The following CLOCK variants were observed in gnomAD, a reference collection of about 807,000 sequenced individuals.
The protein encoded by CLOCK is clock circadian regulator.
A neutral mutation model predicts 118.4 loss-of-function variants in CLOCK; 43 were observed. That is an observed-to-expected ratio of 0.36 (90% CI 0.28 to 0.47). The LOEUF (loss-of-function observed/expected upper bound fraction) is 0.47. Among genes scored for constraint, CLOCK ranks in the 20% least tolerant of loss-of-function variants. CLOCK has a pLI of 1.00. For synonymous variants in CLOCK, 326 were observed against 339.2 expected (o/e 0.96, Z 0.43); for missense variants, 846 against 999.9 (o/e 0.85, Z 2.08).
intron 8 of CLOCK, among the ~76,000 whole-genome samples, chr4:55,468,269 A>G (rs568508817): frequency 2.7e-4 from 41 of 152,276 alleles, no homozygotes; most frequent in African/African-American, 7.9e-4. Context: ...GAGAGGCATT[A>G]TAAGAGTAGT....
intron 15 of CLOCK, among the ~76,000 whole-genome samples, chr4:55,450,469 T>C (rs1724334759): frequency 6.6e-6 from 1 of 152,162 alleles, no homozygotes. Context: ...TTACACCATA[T>C]ACAAAAATTA....
intron 2 of CLOCK, among the ~76,000 whole-genome samples, chr4:55,494,075 G>A (rs1428755489): frequency 6.6e-6 from 1 of 152,140 alleles, no homozygotes; most frequent in Non-Finnish European, 1.5e-5. Context: ...GAGTATAGGA[G>A]CACCTTATCC....
At chr4:55,479,551 C>T (rs955989844) in intron 5 of CLOCK, 89 bp downstream of exon 5, 8 of 1,107,364 alleles carry the variant, frequency 7.2e-6, no homozygotes, top group South Asian at 1.3e-5. Flanking sequence ...AAGCACATAG[C>T]TTTTGGAAAT....
At chr4:55,440,337 T>C (rs970913772) in intron 21 of CLOCK, among the ~76,000 whole-genome samples, 1 of 152,192 alleles carries the variant, frequency 6.6e-6, no homozygotes, top group African/African-American at 2.4e-5. Flanking sequence ...CTGCTTCCTT[T>C]TGCTTTTTGA....
intron 8 of CLOCK, among the ~76,000 whole-genome samples, chr4:55,467,465 C>G (rs947731913): frequency 3.3e-5 from 5 of 152,068 alleles, no homozygotes; most frequent in Admixed American, 6.6e-5. Flanking sequence ...AACAGTAGAA[C>G]AGAGATGAAG....
intron 16 of CLOCK, 85 bp from the exon 17 acceptor site, chr4:55,449,581 A>G: frequency 8.5e-7 from 1 of 1,182,092 alleles, no homozygotes; most frequent in South Asian, 1.3e-5. Context: ...TTCAGTTAAT[A>G]AAAATGGCTT....
intron 8 of CLOCK, among the ~76,000 whole-genome samples, chr4:55,464,658 A>C (rs1201981084): frequency 6.6e-6 from 1 of 152,142 alleles, no homozygotes; most frequent in African/African-American, 2.4e-5. Context: ...CCTGCATTAA[A>C]CTAAAGCAGT....
intron 3 of CLOCK, among the ~76,000 whole-genome samples, chr4:55,486,123 T>A (rs539135828): frequency 6.6e-6 from 1 of 152,188 alleles, no homozygotes. Flanking sequence ...GGAGTTAACA[T>A]CATTATGACT....
intron 2 of CLOCK, among the ~76,000 whole-genome samples, chr4:55,503,989 A>T (rs868144876): frequency 0.013 from 1,922 of 146,678 alleles, 79 homozygotes; most frequent in African/African-American, 0.046. Flanking sequence ...AAAAAAAAAA[A>T]AAAAAAAAAA....
At chr4:55,539,999 T>C (rs951679072) in intron 1 of CLOCK, among the ~76,000 whole-genome samples, 6 of 128,096 alleles carry the variant, frequency 4.7e-5, no homozygotes, top group African/African-American at 1.9e-4. Flanking sequence ...TGATCTCCAA[T>C]GATATTAATT....
At chr4:55,532,499 T>C (rs548466157) in intron 1 of CLOCK, among the ~76,000 whole-genome samples, 1 of 152,152 alleles carries the variant, frequency 6.6e-6, no homozygotes, top group East Asian at 1.9e-4. Flanking sequence ...AAAAATCAGT[T>C]GCATTTCTAT....
At chr4:55,525,907 T>C (rs562673648) in intron 1 of CLOCK, among the ~76,000 whole-genome samples, 1 of 151,444 alleles carries the variant, frequency 6.6e-6, no homozygotes, top group Admixed American at 6.6e-5. Context: ...TGTGTACTGA[T>C]GGTATGCCAA....
Position 55,430,262 on chromosome 4 carries a change from T to C in CLOCK, c.*5153A>G, listed in dbSNP as rs1403835514. ...CTTAGTTGTCTCTCCATAAACTATA[T>C]CCTATTCCACTAAATAATGTTTCCC... is the stretch of plus-strand genomic sequence containing the variant. On this transcript the variant is annotated 3_prime_UTR_variant, in exon 23 of 23. Coordinates refer to ENST00000513440, the MANE Select transcript of CLOCK (RefSeq NM_004898.4). The C allele has an allele frequency of 6.6e-6, 1 of 152,150 alleles. No individual in the cohort carries two copies. Among genetic ancestry groups the C allele is most frequent in the African/African-American group, 2.4e-5 (1 of 41,422 alleles). 9.4% of individuals were successfully genotyped at this position (152,150 alleles called of 1,614,324 possible).
chr4:55,498,712 G>A (rs1225579713), intron 2 of CLOCK, among the ~76,000 whole-genome samples: 1 of 152,024 alleles, frequency 6.6e-6, no homozygotes, highest in Non-Finnish European at 1.5e-5. Flanking sequence ...TCTGTGGAGT[G>A]GCAGGGGAGA....
At chr4:55,483,272 T>C (rs747930083) in intron 3 of CLOCK, among the ~76,000 whole-genome samples, 3 of 152,178 alleles carry the variant, frequency 2.0e-5, no homozygotes, top group African/African-American at 7.2e-5. Context: ...AGCAGGAAGA[T>C]AGATATCTAA....
chr4:55,485,667 T>A (rs1242646812), intron 3 of CLOCK, among the ~76,000 whole-genome samples: 1 of 152,192 alleles, frequency 6.6e-6, no homozygotes, highest in African/African-American at 2.4e-5. Flanking sequence ...CACAAAGATA[T>A]GCAATGTCTT....
intron 2 of CLOCK, among the ~76,000 whole-genome samples, chr4:55,494,841 C>T (rs574811338): frequency 3.3e-5 from 5 of 152,150 alleles, no homozygotes; most frequent in Admixed American, 6.5e-5. Flanking sequence ...TCTCCTGAAG[C>T]CTCCAGAGAG....
chr4:55,438,463 C>G lies in CLOCK; in HGVS notation c.2180G>C (p.Ser727Thr). ...CACCACCTGGCCCATAAGCATAGTA[C>G]TAGGTACCATGACTGCCCCACAAGC... ...PVACGAVMVPSTMLMGQVVTA... is the reference protein window; with the variant it reads ...PVACGAVMVPTTMLMGQVVTA... Residue 727 changes from serine (S) to threonine (T), a missense_variant, in exon 22 of 23, where the codon AGT (serine) becomes ACT (threonine). Transcript: ENST00000513440. The G allele has an allele frequency of 6.2e-7, 1 of 1,613,850 alleles. No individual in the cohort carries two copies. The highest frequency in any genetic ancestry group is 8.5e-7 in the Non-Finnish European group (1 of 1,180,012).
At chr4:55,511,288 C>A (rs199822754) in intron 1 of CLOCK, among the ~76,000 whole-genome samples, 9 of 151,478 alleles carry the variant, frequency 5.9e-5, no homozygotes, top group Non-Finnish European at 1.3e-4. Context: ...TCCTATCTAT[C>A]TAATTTTAAT....
Sources: gnomAD v4.1 joint callset for allele counts (sites outside exome capture counted in the v4.1 genomes callset) on GRCh38, gnomAD v4.1.1 for gene constraint, MANE v1.5 for transcripts, NCBI Gene and HGNC (gene_info 2026-07-23, HGNC 2026-07-21) for gene names.